The following MTUS2 variants were observed in gnomAD, a reference collection of about 807,000 sequenced individuals.
MTUS2 encodes microtubule-associated tumor suppressor candidate 2.
A neutral mutation model predicts 114.1 loss-of-function variants in MTUS2; 40 were observed. The ratio of observed to expected loss-of-function variants is 0.35; its 90% CI spans 0.27 to 0.46. MTUS2 has a LOEUF of 0.46. MTUS2 is among the 20% of genes least tolerant of loss of function. The probability of loss-of-function intolerance (pLI) is 1.00; values close to 1 mark genes in which losing one functional copy is unlikely to be tolerated. For missense variants in MTUS2, 1,679 were observed against 1,705.4 expected (o/e 0.98, Z 0.27); for synonymous variants, 688 against 672.0 (o/e 1.02, Z -0.37).
At chr13:28,880,610 T>A (rs1878229390) in intron 2 of MTUS2, among the ~76,000 whole-genome samples, 1 of 152,184 alleles carries the variant, frequency 6.6e-6, no homozygotes, top group Non-Finnish European at 1.5e-5. Flanking sequence ...TTTGGAAAAT[T>A]TGGGAAACTG....
At chr13:29,318,180 T>G (rs1306893982) in intron 6 of MTUS2, among the ~76,000 whole-genome samples, 2 of 152,126 alleles carry the variant, frequency 1.3e-5, no homozygotes, top group East Asian at 3.8e-4. Context: ...TTATCTTTTC[T>G]TACTTATATT....
chr13:28,909,568 A>G (rs1430775752), intron 2 of MTUS2, among the ~76,000 whole-genome samples: 1 of 152,188 alleles, frequency 6.6e-6, no homozygotes, highest in African/African-American at 2.4e-5. Flanking sequence ...CCCACCGCCA[A>G]TATCATACTG....
At chr13:29,098,556 G>T (rs868605153) in intron 4 of MTUS2, among the ~76,000 whole-genome samples, 12 of 152,102 alleles carry the variant, frequency 7.9e-5, no homozygotes, top group African/African-American at 2.4e-4. Flanking sequence ...GGGAAACCTA[G>T]AAAACAATTT....
chr13:29,239,534 C>T (rs1321063307), intron 5 of MTUS2: 1 of 152,250 alleles, frequency 6.6e-6, no homozygotes, highest in African/African-American at 2.4e-5. Context: ...TCAGCAAATA[C>T]TTATTGGGAA....
chr13:29,307,689 C>T (rs1467217242), intron 6 of MTUS2: 56 of 1,137,848 alleles, frequency 4.9e-5, no homozygotes, highest in South Asian at 2.8e-4. Flanking sequence ...TTGCCCTCAA[C>T]GACCACTTTT....
At position 29,371,983 on chromosome 13, in the gene MTUS2, C is replaced by G. The variant is rs1208556894; in HGVS notation, c.3117+12510C>G. ...TAAGTGTCCTCAACCCCCGCCCCCC[C>G]CCCCACACACACACACAAGCACAAA... On this transcript the variant is annotated intron_variant, in intron 8 of 15. Transcript: ENST00000612955. Among the ~76,000 whole-genome samples the G allele has an allele frequency of 7.9e-5, 5 of 62,996 alleles. 2 individuals are homozygous for G. The highest frequency in any genetic ancestry group is 1.9e-4 in the Non-Finnish European group (5 of 26,394). The allele number at this position is 62,996 out of a possible 152,430, so 41.3% of individuals were successfully genotyped here. A position where few individuals can be genotyped will look rare whatever the true frequency, so the allele number is the denominator to read the frequency against.
At chr13:29,405,399 A>G (rs893698539) in intron 8 of MTUS2, among the ~76,000 whole-genome samples, 2 of 152,368 alleles carry the variant, frequency 1.3e-5, no homozygotes, top group African/African-American at 4.8e-5. Context: ...TAGAAAGTTC[A>G]TAAGCATCAC....
chr13:29,205,914 G>C (rs903325094), intron 5 of MTUS2, among the ~76,000 whole-genome samples: 2 of 152,038 alleles, frequency 1.3e-5, no homozygotes, highest in Non-Finnish European at 2.9e-5. Context: ...TTTTCCTCTG[G>C]GTAGATACCC....
chr13:29,500,579 G>A (rs1882820261), intron 14 of MTUS2, among the ~76,000 whole-genome samples: 1 of 152,134 alleles, frequency 6.6e-6, no homozygotes, highest in African/African-American at 2.4e-5. Context: ...GAAAAAGCGT[G>A]CTTACATTAT....
At chr13:29,236,600 T>C (rs375281092) in intron 5 of MTUS2, among the ~76,000 whole-genome samples, 10 of 152,238 alleles carry the variant, frequency 6.6e-5, no homozygotes, top group African/African-American at 2.4e-4. Flanking sequence ...TTAGGATAGT[T>C]ACAGTACACG....
At chr13:29,363,446 A>G (rs1226989959) in intron 8 of MTUS2, among the ~76,000 whole-genome samples, 1 of 152,180 alleles carries the variant, frequency 6.6e-6, no homozygotes, top group Non-Finnish European at 1.5e-5. Context: ...TATGTCAAGC[A>G]TTTTTGGACT....
At chr13:28,893,992 A>G (rs1016725025) in intron 2 of MTUS2, among the ~76,000 whole-genome samples, 2 of 151,990 alleles carry the variant, frequency 1.3e-5, no homozygotes, top group African/African-American at 4.8e-5. Flanking sequence ...CAAAAGGCAC[A>G]TAGAGTGAGT....
chr13:29,024,827 G>A lies in MTUS2; in HGVS notation c.129G>A (p.Glu43=), dbSNP rs1886438651. ...CGAATGCCAATCAAATCATGTTGGA[G>A]GTCAGCTCCTCTCATGACGAGTCCA... is the stretch of plus-strand genomic sequence containing the variant. ...GDTNANQIML[E]VSSSHDESKT... Residue 43 remains glutamate, a synonymous_variant, in exon 3 of 16, where the codon GAG becomes GAA. Coordinates refer to ENST00000612955, the MANE Select transcript of MTUS2 (RefSeq NM_001033602.4). The A allele has an allele frequency of 1.9e-6, 3 of 1,613,876 alleles. No individual in the cohort carries two copies. The highest frequency in any genetic ancestry group is 2.2e-5 in the South Asian group (2 of 91,086).
chr13:28,889,823 G>A (rs1878809954), intron 2 of MTUS2, among the ~76,000 whole-genome samples: 2 of 152,138 alleles, frequency 1.3e-5, no homozygotes, highest in African/African-American at 2.4e-5. Context: ...CTCCCACTTA[G>A]TGTATGCATG....
At chr13:29,351,199 C>A (rs564999853) in intron 7 of MTUS2, among the ~76,000 whole-genome samples, 5 of 152,112 alleles carry the variant, frequency 3.3e-5, no homozygotes, top group African/African-American at 7.2e-5. Flanking sequence ...GATGATGATG[C>A]TTCTTTTTTC....
intron 5 of MTUS2, among the ~76,000 whole-genome samples, chr13:29,259,034 T>A (rs1897374229): frequency 2.0e-5 from 3 of 152,276 alleles, no homozygotes; most frequent in Admixed American, 2.0e-4. Flanking sequence ...TTCTAAGTTC[T>A]ATGAATAATA....
intron 5 of MTUS2, among the ~76,000 whole-genome samples, chr13:29,175,507 A>T (rs1893736408): frequency 6.6e-6 from 1 of 152,214 alleles, no homozygotes; most frequent in Non-Finnish European, 1.5e-5. Context: ...TAGGATGGTA[A>T]CAAAGAAAGC....
chr13:29,391,389 G>T (rs75437929), intron 8 of MTUS2, among the ~76,000 whole-genome samples: 5,899 of 152,242 alleles, frequency 0.039, 406 homozygotes, highest in African/African-American at 0.14. Flanking sequence ...TAAAGACTCC[G>T]GTTACAACTG....
chr13:29,458,698 G>T (rs2138778601), intron 9 of MTUS2, among the ~76,000 whole-genome samples: 1 of 152,184 alleles, frequency 6.6e-6, no homozygotes, highest in East Asian at 1.9e-4. Context: ...ACTCTCCATA[G>T]TCAAAAGTCT....
Sources: allele counts gnomAD v4.1 joint callset (sites outside exome capture counted in the v4.1 genomes callset), GRCh38; gene constraint gnomAD v4.1.1; transcripts MANE v1.5; gene names NCBI Gene and HGNC (gene_info 2026-07-23, HGNC 2026-07-21).